Variants in CAGE1 observed in about 807,000 individuals in gnomAD.
CAGE1 encodes cancer-associated gene 1 protein.
Under a neutral mutation model 94.9 loss-of-function variants are expected in CAGE1, and 66 were observed. The ratio of observed to expected loss-of-function variants is 0.70; its 90% confidence interval spans 0.57 to 0.85. CAGE1 has a LOEUF of 0.85. CAGE1 is among the 40% of genes least tolerant of loss of function. The pLI is 0.00. For synonymous variants in CAGE1, 319 were observed against 321.0 expected, an observed-to-expected ratio of 0.99 and a Z score of 0.07; for missense variants, 865 against 950.4, an observed-to-expected ratio of 0.91 and a Z score of 1.18.
intron 11 of CAGE1, among the ~76,000 whole-genome samples, chr6:7,345,770 A>C (rs1253181845): frequency 6.9e-6 from 1 of 144,482 alleles, no homozygotes; most frequent in East Asian, 1.9e-4. Context: ...AAAAATACAA[A>C]AAAAATTAGC....
At position 7,375,752 on chromosome 6, in the gene CAGE1, G is replaced by GT. The variant is rs570476900; in HGVS notation, c.688-1622dup. 1.0e-3 allele frequency among the ~76,000 whole-genome samples: 157 copies of GT among 152,176 alleles called. 1 individual carries two copies. In the South Asian group the frequency reaches 0.012, roughly 12 times the overall value. On this transcript the variant is annotated intron_variant, in intron 4 of 13. Coordinates refer to ENST00000502583, the MANE Select transcript of CAGE1 (RefSeq NM_001170692.2). The stretch of plus-strand genomic sequence containing the variant: ...TAAATAAGTAAAAACCCAGTAAAAG[G>GT]TATCTGTAGTGGTGTGCTGTATAAT...
At chr6:7,345,227 A>G (rs2113379392) in intron 11 of CAGE1, among the ~76,000 whole-genome samples, 1 of 149,272 alleles carries the variant, frequency 6.7e-6, no homozygotes, top group African/African-American at 2.6e-5. Flanking sequence ...ATAAGCTACC[A>G]GCCTACCAAG....
At chr6:7,388,229 C>T (rs1245849291) in intron 1 of CAGE1, among the ~76,000 whole-genome samples, 1 of 152,024 alleles carries the variant, frequency 6.6e-6, no homozygotes, top group Non-Finnish European at 1.5e-5. Context: ...GAGTGACATC[C>T]CCTACCCGGT....
In CAGE1 at chr6:7,337,291, C is replaced by T. The variant is rs530248392; in HGVS notation, c.2370-3201G>A. 2.7e-5 allele frequency among the ~76,000 whole-genome samples: 4 copies of T among 148,294 alleles called. No individual in the cohort carries two copies. In the East Asian group the frequency reaches 7.9e-4, roughly 29 times the overall value. ...GCAGTGAGCCAAGATTGCACCACTG[C>T]CCTCCAGCCTGGGTGACAGAGTGAG... On this transcript the variant is annotated intron_variant, in intron 11 of 13. Transcript: ENST00000502583.
At chr6:7,348,299 G>T (rs1259101796) in intron 11 of CAGE1, among the ~76,000 whole-genome samples, 1 of 152,098 alleles carries the variant, frequency 6.6e-6, no homozygotes, top group Non-Finnish European at 1.5e-5. Flanking sequence ...AGACTTGCTG[G>T]GTGGCTAGAC....
intron 9 of CAGE1, among the ~76,000 whole-genome samples, chr6:7,363,066 C>T (rs747266247): frequency 6.6e-6 from 1 of 152,124 alleles, no homozygotes; most frequent in Admixed American, 6.5e-5. Flanking sequence ...CTCAGGAGTT[C>T]GTGACTAGCC....
At chr6:7,351,006 A>G (rs1227818573) in intron 11 of CAGE1, among the ~76,000 whole-genome samples, 3 of 152,196 alleles carry the variant, frequency 2.0e-5, no homozygotes, top group Non-Finnish European at 2.9e-5. Context: ...AAATTGATAG[A>G]TCATTTATTA....
chr6:7,345,539 A>G lies in CAGE1; in HGVS notation c.2369+9502T>C, dbSNP rs147827336. Among the ~76,000 whole-genome samples the G allele has an allele frequency of 1.1e-3, 171 of 152,326 alleles. 1 individual carries two copies. The highest frequency in any genetic ancestry group is 3.9e-3 in the African/African-American group (164 of 41,572). ...TCTGGCTGCATATACAGAGTAAGCT[A>G]TCACCAAGTAGTTTTCTTTCAGCCT... On this transcript the variant is annotated intron_variant, in intron 11 of 13. Coordinates refer to ENST00000502583, the MANE Select transcript of CAGE1 (RefSeq NM_001170692.2).
Position 7,326,702 on chromosome 6 carries a change from T to A in CAGE1, c.*156A>T. 1 of 646,952 alleles carries A rather than the reference T, an allele frequency of 1.5e-6. No individual in the cohort carries two copies. Among genetic ancestry groups the A allele is most frequent in the Non-Finnish European group, 2.8e-6 (1 of 361,192 alleles). The allele number at this position is 646,952 out of a possible 1,614,324, so 40.1% of individuals were successfully genotyped here. A position where few individuals can be genotyped will look rare whatever the true frequency, so the allele number is the denominator to read the frequency against. On this transcript the variant is annotated 3_prime_UTR_variant, in exon 14 of 14. Coordinates refer to ENST00000502583, the MANE Select transcript of CAGE1 (RefSeq NM_001170692.2). The stretch of plus-strand genomic sequence containing the variant: ...TATTTGATTATTCACAGGAAGAAAT[T>A]AGAAGAAAAGTAATCACATCTTTGG...
rs772307902 is a variant in CAGE1 at position 7,368,788 on chromosome 6, T to C, written c.1904A>G (p.Asn635Ser). 32 of 1,539,164 alleles carry C rather than the reference T, an allele frequency of 2.1e-5. No homozygotes were observed. The highest frequency in any genetic ancestry group is 2.7e-5 in the Non-Finnish European group (31 of 1,139,680). Residue 635 changes from asparagine (N) to serine (S), a missense_variant, in exon 7 of 14, where the codon AAT becomes AGT. Coordinates refer to ENST00000502583, the MANE Select transcript of CAGE1 (RefSeq NM_001170692.2). ...VGLLTCQDII[N>S]SDAEHFKESE... ...CTCTTTGAAATGTTCAGCATCAGAA[T>C]TGATGATGTCCTAAGGGTAAGAGTT...
chr6:7,328,924 A>ATTTT (rs1264134177), intron 13 of CAGE1, among the ~76,000 whole-genome samples: 4 of 74,128 alleles, frequency 5.4e-5, no homozygotes, highest in Admixed American at 2.5e-4. Context: ...GTGTGTATAT[A>ATTTT]TATATATATA....
chr6:7,333,671 T>TGTTTTTTTTTG (rs1758845239), intron 12 of CAGE1, among the ~76,000 whole-genome samples: 1 of 91,612 alleles, frequency 1.1e-5, no homozygotes, highest in Non-Finnish European at 2.0e-5. Flanking sequence ...TATATATATA[T>TGTTTTTTTTTG]ATACATTTTT....
intron 9 of CAGE1, among the ~76,000 whole-genome samples, chr6:7,360,435 G>T (rs1245759619): frequency 6.6e-6 from 1 of 152,126 alleles, no homozygotes; most frequent in Non-Finnish European, 1.5e-5. Context: ...GCTTTTACTT[G>T]CATTAACACA....
At chr6:7,368,131 T>C (rs558350797) in intron 7 of CAGE1, among the ~76,000 whole-genome samples, 2 of 151,590 alleles carry the variant, frequency 1.3e-5, no homozygotes, top group South Asian at 4.2e-4. Context: ...CACACGCCTG[T>C]AATCCCAGCT....
chr6:7,329,789 G>T, intron 13 of CAGE1, 60 bp downstream of exon 13: 1 of 822,808 alleles, frequency 1.2e-6, no homozygotes, highest in Non-Finnish European at 2.0e-6. Context: ...TAAATCTTGT[G>T]TTATTGTCAA....
In CAGE1 at chr6:7,368,684, A is replaced by G. The variant is rs1324502; in HGVS notation, c.2004+4T>C. ...AATTTTTAGAAGAAGAATAAATATA[A>G]TACCTCTTTATCTAAAGTTTTCTTT... On this transcript the variant is annotated splice_donor_region_variant and intron_variant, in intron 7 of 13. Transcript: ENST00000502583. 593,639 of 1,378,244 alleles carry G rather than the reference A, an allele frequency of 0.43. 135,518 individuals are homozygous for G. Among genetic ancestry groups the G allele is most frequent in the African/African-American group, 0.84 (56,981 of 67,994 alleles). The allele number at this position is 1,378,244 out of a possible 1,614,324, so 85.4% of individuals were successfully genotyped here. A position where few individuals can be genotyped will look rare whatever the true frequency, so the allele number is the denominator to read the frequency against.
chr6:7,358,709 G>A (rs1168396906), intron 9 of CAGE1, among the ~76,000 whole-genome samples: 1 of 152,150 alleles, frequency 6.6e-6, no homozygotes, highest in Admixed American at 6.5e-5. Context: ...GCTAGGGCTG[G>A]TGATGTGCAC....
intron 11 of CAGE1, chr6:7,340,963 A>G (rs2113365615): frequency 4.6e-6 from 2 of 430,726 alleles, no homozygotes; most frequent in South Asian, 3.9e-5. Context: ...GCTTTGCCAC[A>G]GGATAACAAC....
intron 11 of CAGE1, among the ~76,000 whole-genome samples, chr6:7,345,694 G>A (rs1231923636): frequency 5.9e-5 from 9 of 152,062 alleles, no homozygotes; most frequent in Admixed American, 2.6e-4. Context: ...TTGGGAGGCT[G>A]AGGCGGGCAG....
Sources: allele counts gnomAD v4.1 joint callset (sites outside exome capture counted in the v4.1 genomes callset), GRCh38; gene constraint gnomAD v4.1.1; transcripts MANE v1.5; gene names NCBI Gene and HGNC (gene_info 2026-07-23, HGNC 2026-07-21).